Variants in BDP1 observed in about 807,000 individuals in gnomAD.
BDP1 encodes the protein transcription factor TFIIIB component B'' homolog.
A neutral mutation model predicts 266.6 loss-of-function variants in BDP1; 169 were observed. The ratio of observed to expected loss-of-function variants is 0.63; its 90% CI spans 0.56 to 0.72. BDP1 has a LOEUF of 0.72. BDP1 is among the 30% of genes least tolerant of loss of function. BDP1 has a pLI of 0.00. For synonymous variants in BDP1, 1,090 were observed against 1,022.4 expected, an observed-to-expected ratio of 1.07 and a Z score of -1.26; for missense variants, 3,015 against 3,053.8, an observed-to-expected ratio of 0.99 and a Z score of 0.30.
chr5:71,511,134 C>T lies in BDP1; in HGVS notation c.4042C>T (p.Pro1348Ser). The T allele has an allele frequency of 6.2e-7, 1 of 1,608,240 alleles. No individual in the cohort carries two copies. The highest frequency in any genetic ancestry group is 8.5e-7 in the Non-Finnish European group (1 of 1,178,184). Residue 1348 changes from proline (P) to serine (S), a missense_variant, in exon 17 of 39, where the codon CCT becomes TCT. By Grantham distance (74) the Pro-to-Ser change is moderately conservative (BLOSUM62 -1). Around this residue, in one of 3 missense-constraint regions of BDP1, gnomAD observed 2,383 missense variants for 2,404.9 expected, o/e 0.99. Transcript: ENST00000358731. ...CGGTAGCAATGACTTCAGTGCTGTG[C>T]CTTCACTAGATATTCAGGTATGTAT... The part of the protein sequence containing the change: ...QSGSNDFSAV[P>S]SLDIQNISSE...
chr5:71,521,808 C>G (rs7702940), intron 22 of BDP1, among the ~76,000 whole-genome samples: 68,204 of 151,950 alleles, frequency 0.45, 15,665 homozygotes, highest in South Asian at 0.55. Context: ...GTTCAGGCAT[C>G]TGTTAGGAGA....
rs1317362471 is a variant in BDP1 at position 71,525,463 on chromosome 5, C to T, written c.5772+1140C>T. On this transcript the variant is annotated intron_variant, in intron 25 of 38. Coordinates refer to ENST00000358731, the MANE Select transcript of BDP1 (RefSeq NM_018429.3). The stretch of plus-strand genomic sequence containing the variant: ...GGGCTGACACCCCCCACCTCCCTCC[C>T]GGACGGGGCGGCTGGCCGGGCGGGG... 8.3e-5 allele frequency among the ~76,000 whole-genome samples: 11 copies of T among 132,754 alleles called. 1 individual carries two copies. The highest frequency in any genetic ancestry group is 1.1e-4 in the Non-Finnish European group (7 of 61,040). 87.1% of individuals were successfully genotyped at this position (132,754 alleles called of 152,430 possible). A position where few individuals can be genotyped will look rare whatever the true frequency, so the allele number is the denominator to read the frequency against.
chr5:71,499,080 A>G (rs1249384990), intron 13 of BDP1, among the ~76,000 whole-genome samples: 1 of 151,292 alleles, frequency 6.6e-6, no homozygotes, highest in Non-Finnish European at 1.5e-5. Flanking sequence ...TAATGTGTAT[A>G]ATGTTTAAAA....
chr5:71,497,467 A>G, intron 13 of BDP1, 41 bp downstream of exon 13: 1 of 1,519,184 alleles, frequency 6.6e-7, no homozygotes. Flanking sequence ...AATTATAAAA[A>G]TTTTCTTTAG....
intron 26 of BDP1, 141 bp from the exon 27 acceptor site, chr5:71,538,901 A>G (rs1408194462): frequency 1.7e-6 from 1 of 605,038 alleles, no homozygotes; most frequent in African/African-American, 1.9e-5. Context: ...AAATTTTGTG[A>G]ATAATTATAA....
intron 9 of BDP1, among the ~76,000 whole-genome samples, chr5:71,487,913 G>A (rs1763365976): frequency 6.6e-6 from 1 of 152,216 alleles, no homozygotes; most frequent in Admixed American, 6.5e-5. Flanking sequence ...TCAAAGGATA[G>A]CAGTCAAGCC....
At chr5:71,487,967 T>G (rs1275571877) in intron 9 of BDP1, among the ~76,000 whole-genome samples, 1 of 152,232 alleles carries the variant, frequency 6.6e-6, no homozygotes, top group Non-Finnish European at 1.5e-5. Flanking sequence ...CTAGAATTTC[T>G]TCTTCTGGGG....
Position 71,562,293 on chromosome 5 carries a change from G to A in BDP1, c.7516G>A (p.Gly2506Arg). The A allele has an allele frequency of 6.2e-7, 1 of 1,606,678 alleles. No individual in the cohort carries two copies. The highest frequency in any genetic ancestry group is 8.5e-7 in the Non-Finnish European group (1 of 1,177,712). Residue 2506 changes from glycine (G) to arginine (R), a missense_variant, in exon 38 of 39, where the codon GGA becomes AGA. Coordinates refer to ENST00000358731, the MANE Select transcript of BDP1 (RefSeq NM_018429.3). ...SLSRPGRRPL[G>R]FLSLICSKNS... Reference sequence around the variant, plus strand: ...TTCTAGACCTGGCAGAAGACCCCTGGGATTTTTATCTTTAATATGCTCAAA... The same window carrying A: ...TTCTAGACCTGGCAGAAGACCCCTGAGATTTTTATCTTTAATATGCTCAAA...
chr5:71,564,832 GTC>G lies in BDP1; in HGVS notation c.7826_7827del (p.Ser2609Ter), dbSNP rs1235085026. On this transcript the variant is annotated frameshift_variant, in exon 39 of 39. Transcript: ENST00000358731. LOFTEE classifies it high-confidence loss of function. Reference protein sequence around the residue: ...KRAPQGEATTVSEYFFNDIFI... With the variant: ...KRAPQGEATTXSEYFFNDIFI... ...GGCCCCTCAAGGGGAGGCAACCACA[GTC>G]TCTGAATATTTCTTCAATGATATCT... 1 of 1,611,216 alleles carries G rather than the reference GTC, an allele frequency of 6.2e-7. No individual in the cohort carries two copies. The highest frequency in any genetic ancestry group is 1.3e-5 in the African/African-American group (1 of 74,812).
At chr5:71,557,375 A>ATT (rs55810132) in intron 36 of BDP1, among the ~76,000 whole-genome samples, 1,930 of 103,138 alleles carry the variant, frequency 0.019, 224 homozygotes, top group South Asian at 0.037. Flanking sequence ...TGCCAAGCTA[A>ATT]TTTTTTTTTT....
chr5:71,524,807 G>T (rs1197632773), intron 25 of BDP1, among the ~76,000 whole-genome samples: 1 of 149,894 alleles, frequency 6.7e-6, no homozygotes, highest in African/African-American at 2.5e-5. Flanking sequence ...GTGTCCCTGG[G>T]TACTTGAGAT....
At chr5:71,506,823 A>ACACACACCCC (rs377599570) in intron 16 of BDP1, among the ~76,000 whole-genome samples, 4 of 141,726 alleles carry the variant, frequency 2.8e-5, no homozygotes, top group Non-Finnish European at 6.1e-5. Context: ...ACACACACAC[A>ACACACACCCC]CCCATATTTT....
intron 25 of BDP1, among the ~76,000 whole-genome samples, chr5:71,526,424 C>T (rs1260075483): frequency 5.3e-5 from 8 of 151,630 alleles, no homozygotes; most frequent in Non-Finnish European, 1.2e-4. Flanking sequence ...TGAGACTAGC[C>T]TGACCAACAA....
chr5:71,464,987 G>T (rs1482312134), intron 4 of BDP1, among the ~76,000 whole-genome samples: 1 of 152,046 alleles, frequency 6.6e-6, no homozygotes, highest in Non-Finnish European at 1.5e-5. Flanking sequence ...AAAGTGCTGG[G>T]ATTACAGGTG....
intron 12 of BDP1, 116 bp from the exon 13 acceptor site, chr5:71,497,154 T>G (rs1432994898): frequency 1.2e-6 from 1 of 850,784 alleles, no homozygotes; most frequent in Non-Finnish European, 1.8e-6. Context: ...TCTTTGCTAC[T>G]CTTGTTCTAA....
At chr5:71,549,981 C>T (rs774769219) in intron 34 of BDP1, among the ~76,000 whole-genome samples, 7 of 152,156 alleles carry the variant, frequency 4.6e-5, no homozygotes, top group Non-Finnish European at 1.0e-4. Flanking sequence ...GTAATAAATA[C>T]AGTTTTTTTT....
In BDP1 at chr5:71,556,928, A is replaced by T; in HGVS notation, c.7240+3A>T. On this transcript the variant is annotated splice_donor_region_variant and intron_variant, in intron 36 of 38. Coordinates refer to ENST00000358731, the MANE Select transcript of BDP1 (RefSeq NM_018429.3). ...AACAAATGTTTTTGAGGAAACAGGT[A>T]AGTGAAATACATTTTAACATGATTG... 1 of 1,443,698 alleles carries T rather than the reference A, an allele frequency of 6.9e-7. No individual in the cohort carries two copies. 89.4% of individuals were successfully genotyped at this position (1,443,698 alleles called of 1,614,324 possible).
Position 71,522,497 on chromosome 5 carries a change from T to G in BDP1, c.5193+7T>G. The G allele has an allele frequency of 6.4e-7, 1 of 1,556,558 alleles. No homozygotes were observed. The highest frequency in any genetic ancestry group is 2.2e-5 in the Admixed American group (1 of 45,722). On this transcript the variant is annotated splice_region_variant and intron_variant, in intron 23 of 38. Coordinates refer to ENST00000358731, the MANE Select transcript of BDP1 (RefSeq NM_018429.3). ...CACCCAGCTCCTTCTAAAAGTAAGTTTGGGCAAAAAAAAAAAAAAAATTTT... is the reference window on the plus strand; with the variant it reads ...CACCCAGCTCCTTCTAAAAGTAAGTGTGGGCAAAAAAAAAAAAAAAATTTT...
At chr5:71,463,774 G>A (rs1371731080) in intron 3 of BDP1, among the ~76,000 whole-genome samples, 9 of 151,252 alleles carry the variant, frequency 6.0e-5, no homozygotes, top group Non-Finnish European at 1.0e-4. Flanking sequence ...GTTACATGGA[G>A]CTGAGATCAC....
Sources: gnomAD v4.1 joint callset for allele counts (sites outside exome capture counted in the v4.1 genomes callset) on GRCh38, gnomAD v4.1.1 for gene constraint, gnomAD v4.1.1 regional missense constraint, MANE v1.5 for transcripts, NCBI Gene and HGNC (gene_info 2026-07-23, HGNC 2026-07-21) for gene names.